Variants in KATNIP observed in about 807,000 individuals in gnomAD.
KATNIP encodes the protein katanin interacting protein.
In KATNIP, 126 loss-of-function variants were observed where a neutral mutation model predicts 174.0. The ratio of observed to expected loss-of-function variants is 0.72; its 90% CI spans 0.63 to 0.84. The LOEUF is 0.84. Among genes scored for constraint, KATNIP ranks in the 40% least tolerant of loss-of-function variants. The probability of loss-of-function intolerance (pLI) is 0.00; values close to 1 mark genes in which losing one functional copy is unlikely to be tolerated. For missense variants in KATNIP, 1,958 were observed against 2,109.7 expected, an observed-to-expected ratio of 0.93 and a Z score of 1.41; for synonymous variants, 810 against 835.7, an observed-to-expected ratio of 0.97 and a Z score of 0.53.
intron 21 of KATNIP, among the ~76,000 whole-genome samples, chr16:27,771,204 T>G (rs1289803725): frequency 1.3e-5 from 2 of 152,162 alleles, no homozygotes; most frequent in African/African-American, 2.4e-5. Flanking sequence ...CCAGGCAACC[T>G]CACGTCCCAT....
intron 2 of KATNIP, among the ~76,000 whole-genome samples, chr16:27,588,905 G>A (rs1439051471): frequency 8.4e-5 from 11 of 130,594 alleles, no homozygotes; most frequent in South Asian, 4.9e-4. Flanking sequence ...TTTTTGAACC[G>A]GAGTCTCACT....
intron 15 of KATNIP, among the ~76,000 whole-genome samples, chr16:27,747,866 TCTC>T (rs1242617868): frequency 6.6e-6 from 1 of 152,070 alleles, no homozygotes; most frequent in Non-Finnish European, 1.5e-5. Flanking sequence ...CTTCCTTTCT[TCTC>T]TTCCAGGTAG....
intron 1 of KATNIP, among the ~76,000 whole-genome samples, chr16:27,563,970 G>A (rs954126124): frequency 1.3e-5 from 2 of 150,402 alleles, no homozygotes; most frequent in African/African-American, 4.9e-5. Flanking sequence ...GGCTGAGGCA[G>A]GAGGATCACT....
At chr16:27,602,375 T>G (rs2075555725) in intron 2 of KATNIP, among the ~76,000 whole-genome samples, 1 of 152,146 alleles carries the variant, frequency 6.6e-6, no homozygotes, top group South Asian at 2.1e-4. Context: ...TCTGTCCCAC[T>G]CCATCTCCTC....
intron 19 of KATNIP, among the ~76,000 whole-genome samples, chr16:27,764,924 G>A (rs939482798): frequency 1.3e-5 from 2 of 152,020 alleles, no homozygotes; most frequent in African/African-American, 4.8e-5. Context: ...TTTAATAACA[G>A]CCTTTTAGGG....
intron 2 of KATNIP, among the ~76,000 whole-genome samples, chr16:27,616,197 C>T (rs993486122): frequency 6.6e-6 from 1 of 151,968 alleles, no homozygotes; most frequent in African/African-American, 2.4e-5. Flanking sequence ...CATGGTAAAA[C>T]CCTGTCTCTA....
At chr16:27,740,964 C>T (rs1416195144) in intron 15 of KATNIP, 44 bp downstream of exon 15, 1 of 1,521,692 alleles carries the variant, frequency 6.6e-7, no homozygotes, top group South Asian at 1.2e-5. Flanking sequence ...ATCATCCCAG[C>T]CCCTCTAATT....
intron 14 of KATNIP, among the ~76,000 whole-genome samples, chr16:27,730,076 C>G (rs1366974132): frequency 6.6e-6 from 1 of 152,204 alleles, no homozygotes; most frequent in Non-Finnish European, 1.5e-5. Context: ...GCCCAGGGGC[C>G]CTGCAGTGAA....
chr16:27,570,531 C>T (rs2141676105), intron 1 of KATNIP, among the ~76,000 whole-genome samples: 1 of 152,280 alleles, frequency 6.6e-6, no homozygotes, highest in Non-Finnish European at 1.5e-5. Flanking sequence ...CGCACCACTG[C>T]ACTCCAGCCT....
intron 15 of KATNIP, among the ~76,000 whole-genome samples, chr16:27,741,979 T>C (rs972503551): frequency 5.3e-5 from 8 of 151,990 alleles, no homozygotes; most frequent in African/African-American, 1.9e-4. Flanking sequence ...AAATGTTTCT[T>C]ATTTTTTGAC....
chr16:27,733,661 A>C (rs1292178621), intron 14 of KATNIP, among the ~76,000 whole-genome samples: 2 of 151,976 alleles, frequency 1.3e-5, no homozygotes, highest in African/African-American at 2.4e-5. Context: ...GGCAGGAAGG[A>C]ATTTCATGGT....
intron 2 of KATNIP, among the ~76,000 whole-genome samples, chr16:27,586,723 G>C (rs1284241414): frequency 6.6e-6 from 1 of 151,828 alleles, no homozygotes; most frequent in Non-Finnish European, 1.5e-5. Context: ...CAGCTACTTG[G>C]GAGGCCGAGG....
chr16:27,598,335 C>G (rs929130424), intron 2 of KATNIP, among the ~76,000 whole-genome samples: 1 of 151,888 alleles, frequency 6.6e-6, no homozygotes, highest in African/African-American at 2.4e-5. Flanking sequence ...CTCTTGAAAA[C>G]AGAGCAGCAC....
intron 7 of KATNIP, among the ~76,000 whole-genome samples, chr16:27,679,987 G>A (rs893941003): frequency 6.6e-6 from 1 of 152,060 alleles, no homozygotes; most frequent in African/African-American, 2.4e-5. Context: ...ACCGCACTCA[G>A]AAGTTGCTTA....
At chr16:27,710,422 C>A (rs1279902945) in intron 13 of KATNIP, among the ~76,000 whole-genome samples, 3 of 152,042 alleles carry the variant, frequency 2.0e-5, no homozygotes, top group African/African-American at 7.2e-5. Context: ...GGCATTTTTT[C>A]CTTCCTGCTA....
chr16:27,595,201 A>G (rs1490932817), intron 2 of KATNIP, among the ~76,000 whole-genome samples: 1 of 152,190 alleles, frequency 6.6e-6, no homozygotes, highest in Non-Finnish European at 1.5e-5. Flanking sequence ...CCTGGGCAAC[A>G]TGGTAAAGCC....
At chr16:27,727,226 C>T (rs942784311) in intron 14 of KATNIP, 1 of 229,918 alleles carries the variant, frequency 4.3e-6, no homozygotes, top group Non-Finnish European at 9.6e-6. Flanking sequence ...TCTCTCTCTG[C>T]TGCCCAGGCT....
chr16:27,698,578 A>AGT (rs1357801716), intron 9 of KATNIP, 78 bp downstream of exon 9: 2 of 1,403,810 alleles, frequency 1.4e-6, no homozygotes, highest in African/African-American at 2.9e-5. Flanking sequence ...GAGAAGAGCA[A>AGT]GTGTGCAGAA....
In KATNIP at chr16:27,750,106, T is replaced by C. The variant is rs759356897; in HGVS notation, c.3146T>C (p.Leu1049Pro). 6.2e-7 allele frequency: 1 copy of C among 1,614,222 alleles called. No individual in the cohort carries two copies. The change falls in exon 16 of 28, where the codon CTG becomes CCG. Residue 1049 changes from leucine (L) to proline (P), a missense_variant. By Grantham distance (98) the Leu-to-Pro change is moderately conservative. This residue lies in a region of KATNIP where 1,557 missense variants were observed against 1,617.8 expected (regional missense o/e 0.96). Coordinates refer to ENST00000261588, the MANE Select transcript of KATNIP (RefSeq NM_015202.5). Reference protein sequence around the residue: ...NRTQDDMHVWLAPFTRGRSHS... With the variant: ...NRTQDDMHVWPAPFTRGRSHS... The stretch of plus-strand genomic sequence containing the variant: ...ACCCAGGATGACATGCATGTCTGGC[T>C]GGCCCCCTTCACGCGGGGCAGATCC...
Sources: allele counts gnomAD v4.1 joint callset (sites outside exome capture counted in the v4.1 genomes callset), GRCh38; gene constraint gnomAD v4.1.1; regional missense constraint gnomAD v4.1.1; transcripts MANE v1.5; gene names NCBI Gene and HGNC (gene_info 2026-07-23, HGNC 2026-07-21).